FGF23: variants seen among roughly 807,000 people sequenced by gnomAD.
FGF23 encodes fibroblast growth factor 23, also known as phosphatonin.
FGF23 carries 8 observed loss-of-function variants against 9.0 expected under a neutral mutation model. That is an observed-to-expected ratio of 0.89 (90% CI 0.52 to 1.60). The LOEUF is 1.60. Ranked by LOEUF, FGF23 falls within the 40% of genes most tolerant of loss-of-function variation. The pLI, the probability that FGF23 is intolerant of heterozygous loss-of-function variation, is 0.00. For synonymous variants in FGF23, 118 were observed against 146.2 expected (o/e 0.81, Z 1.39); for missense variants, 311 against 344.3 (o/e 0.90, Z 0.77).
At chr12:4,374,902 A>T (rs1591673894) in intron 1 of FGF23, among the ~76,000 whole-genome samples, 1 of 152,174 alleles carries the variant, frequency 6.6e-6, no homozygotes, top group Non-Finnish European at 1.5e-5. Flanking sequence ...TCTTCCCACC[A>T]CCCGGTAACA....
Position 4,369,632 on chromosome 12 carries a change from C to G in FGF23, c.*711G>C. ...CTGGCTGTGGCTGCACAGAGGGAGACAGCGAGACAGAAGGTGCTCACCCTG... is the reference window on the plus strand; with the variant it reads ...CTGGCTGTGGCTGCACAGAGGGAGAGAGCGAGACAGAAGGTGCTCACCCTG... On this transcript the variant is annotated 3_prime_UTR_variant, in exon 3 of 3. Transcript: ENST00000237837. The G allele has an allele frequency of 4.4e-6, 1 of 229,486 alleles. No individual in the cohort carries two copies. The highest frequency in any genetic ancestry group is 8.6e-6 in the Non-Finnish European group (1 of 115,668). 14.2% of individuals were successfully genotyped at this position (229,486 alleles called of 1,614,324 possible). A position where few individuals can be genotyped will look rare whatever the true frequency, so the allele number is the denominator to read the frequency against.
At position 4,368,725 on chromosome 12, in the gene FGF23, G is replaced by T; in HGVS notation, c.*1618C>A. The T allele has an allele frequency of 4.9e-6, 1 of 202,616 alleles. No homozygotes were observed. Among genetic ancestry groups the T allele is most frequent in the East Asian group, 7.6e-5 (1 of 13,102 alleles). 12.6% of individuals were successfully genotyped at this position (202,616 alleles called of 1,614,324 possible). A position where few individuals can be genotyped will look rare whatever the true frequency, so the allele number is the denominator to read the frequency against. On this transcript the variant is annotated 3_prime_UTR_variant, in exon 3 of 3. Transcript: ENST00000237837. ...CTGAGGAGCCTCCAATAGCTATTAT[G>T]CAGGATAATATTTCCAACAGGAAAT...
chr12:4,370,250 C>T lies in FGF23; in HGVS notation c.*93G>A, dbSNP rs886049410. ...GCAAATTCCATACATGCCCCTGTCA[C>T]CTTTCCCATCCTCGGAACGTCAAGG... On this transcript the variant is annotated 3_prime_UTR_variant, in exon 3 of 3. Coordinates refer to ENST00000237837, the MANE Select transcript of FGF23 (RefSeq NM_020638.3). 11 of 1,296,866 alleles carry T rather than the reference C, an allele frequency of 8.5e-6. No individual in the cohort carries two copies. The highest frequency in any genetic ancestry group is 1.2e-5 in the Non-Finnish European group (11 of 905,558). The allele number at this position is 1,296,866 out of a possible 1,614,324, so 80.3% of individuals were successfully genotyped here.
chr12:4,379,224 C>T, intron 1 of FGF23, 148 bp downstream of exon 1: 1 of 735,018 alleles, frequency 1.4e-6, no homozygotes. Context: ...CACACAAACA[C>T]ACACACACAC....
intron 2 of FGF23, among the ~76,000 whole-genome samples, chr12:4,371,047 G>C (rs907668842): frequency 5.3e-5 from 8 of 152,212 alleles, no homozygotes; most frequent in African/African-American, 1.9e-4. Flanking sequence ...CCTGGCCTGT[G>C]GTTTTCCTGG....
chr12:4,370,846 C>G lies in FGF23; in HGVS notation c.316-63G>C, dbSNP rs567271275. 5.3e-5 allele frequency: 71 copies of G among 1,339,486 alleles called. No individual in the cohort carries two copies. In the African/African-American group the frequency reaches 8.2e-4, roughly 15 times the overall value. The allele number at this position is 1,339,486 out of a possible 1,614,324, so 83.0% of individuals were successfully genotyped here. ...TGGGGGCCCCACCCACTCCCCAGCT[C>G]CTCCTGGGGCCACATGCTTGTGCCA... On this transcript the variant is annotated intron_variant, in intron 2 of 2. Transcript: ENST00000237837.
chr12:4,370,751 T>G lies in FGF23; in HGVS notation c.348A>C (p.Gln116His), dbSNP rs556722124. 6.2e-7 allele frequency: 1 copy of G among 1,614,082 alleles called. No homozygotes were observed. The highest frequency in any genetic ancestry group is 2.2e-5 in the East Asian group (1 of 44,868). ...HYFDPENCRF[Q>H]HQTLENGYDV... ...CGTACCCGTTTTCCAGCGTCTGGTG[T>G]TGGAACCTGCAGTTCTCCGGGTCGA... Residue 116 changes from glutamine (Q) to histidine (H), a missense_variant, in exon 3 of 3, where the codon CAA (glutamine) becomes CAC (histidine). By Grantham distance (24) the Gln-to-His change is conservative. Around this residue, in one of 3 missense-constraint regions of FGF23, gnomAD observed 206 missense variants for 219.2 expected, o/e 0.94. Transcript: ENST00000237837.
chr12:4,369,677 A>C lies in FGF23; in HGVS notation c.*666T>G, dbSNP rs575724650. The C allele has an allele frequency of 2.9e-4, 66 of 229,552 alleles. No homozygotes were observed. The highest frequency in any genetic ancestry group is 1.4e-3 in the African/African-American group (62 of 45,298). The allele number at this position is 229,552 out of a possible 1,614,324, so 14.2% of individuals were successfully genotyped here. A position where few individuals can be genotyped will look rare whatever the true frequency, so the allele number is the denominator to read the frequency against. ...ACCCTGTAGGGAGGCTGAGTTTTCTATTATGATTCCTGCCTCATTTCAGCA... is the reference window on the plus strand; with the variant it reads ...ACCCTGTAGGGAGGCTGAGTTTTCTCTTATGATTCCTGCCTCATTTCAGCA... On this transcript the variant is annotated 3_prime_UTR_variant, in exon 3 of 3. Transcript: ENST00000237837.
At chr12:4,373,486 G>T (rs148046577) in intron 1 of FGF23, among the ~76,000 whole-genome samples, 1 of 152,094 alleles carries the variant, frequency 6.6e-6, no homozygotes, top group Admixed American at 6.5e-5. Flanking sequence ...TATAAGTGAC[G>T]GATGGAATTT....
At chr12:4,374,184 T>C (rs1248366942) in intron 1 of FGF23, among the ~76,000 whole-genome samples, 1 of 152,144 alleles carries the variant, frequency 6.6e-6, no homozygotes, top group East Asian at 1.9e-4. Flanking sequence ...GAGAAGTTAA[T>C]TTGTTTCAAA....
chr12:4,375,360 G>A (rs569176312), intron 1 of FGF23, among the ~76,000 whole-genome samples: 5 of 152,276 alleles, frequency 3.3e-5, no homozygotes, highest in South Asian at 4.1e-4. Flanking sequence ...GAAAACATCC[G>A]GCGGTGGTTG....
chr12:4,372,525 G>A, intron 2 of FGF23, 69 bp downstream of exon 2: 1 of 963,810 alleles, frequency 1.0e-6, no homozygotes. Flanking sequence ...AGCTAGAAAA[G>A]TCTATGTCGT....
intron 2 of FGF23, among the ~76,000 whole-genome samples, chr12:4,372,332 A>T (rs183245627): frequency 0.012 from 1,748 of 151,568 alleles, 34 homozygotes; most frequent in African/African-American, 0.04. Flanking sequence ...ATAATAATAA[A>T]AAAAAAAAGT....
chr12:4,379,331 C>G, intron 1 of FGF23, 41 bp downstream of exon 1: 2 of 1,568,082 alleles, frequency 1.3e-6, no homozygotes, highest in Non-Finnish European at 1.7e-6. Flanking sequence ...AGATGGACAA[C>G]AAGGGTGCTC....
chr12:4,379,528 TGCTGCAGAC>T lies in FGF23; in HGVS notation c.46_54del (p.Val16_Ser18del). Reference sequence around the variant, plus strand: ...TTGGGATAGGCTCTGAGGACGCTCATGCTGCAGACGCTGCACAAGGCACAGACCCAGAGC... The same window carrying T: ...TTGGGATAGGCTCTGAGGACGCTCATGCTGCACAAGGCACAGACCCAGAGC... On this transcript the variant is annotated inframe_deletion, in exon 1 of 3. Transcript: ENST00000237837. The T allele has an allele frequency of 6.2e-7, 1 of 1,612,404 alleles. No individual in the cohort carries two copies. The highest frequency in any genetic ancestry group is 8.5e-7 in the Non-Finnish European group (1 of 1,180,002).
chr12:4,379,537 C>A lies in FGF23; in HGVS notation c.46G>T (p.Val16Phe). Residue 16 changes from valine to phenylalanine, a missense_variant, in exon 1 of 3, where the codon GTC (valine) becomes TTC (phenylalanine). Val to Phe is a conservative substitution (Grantham distance 50, BLOSUM62 -1). Around this residue, in one of 3 missense-constraint regions of FGF23, gnomAD observed 102 missense variants for 108.2 expected, o/e 0.94. Coordinates refer to ENST00000237837, the MANE Select transcript of FGF23 (RefSeq NM_020638.3). Reference sequence around the variant, plus strand: ...GCTCTGAGGACGCTCATGCTGCAGACGCTGCACAAGGCACAGACCCAGAGC... The same window carrying A: ...GCTCTGAGGACGCTCATGCTGCAGAAGCTGCACAAGGCACAGACCCAGAGC... ...LRLWVCALCS[V>F]CSMSVLRAYP... 1.2e-6 allele frequency: 2 copies of A among 1,611,952 alleles called. No individual in the cohort carries two copies. Among genetic ancestry groups the A allele is most frequent in the Non-Finnish European group, 1.7e-6 (2 of 1,179,942 alleles).
At chr12:4,378,064 G>C (rs1236060678) in intron 1 of FGF23, among the ~76,000 whole-genome samples, 1 of 152,130 alleles carries the variant, frequency 6.6e-6, no homozygotes, top group African/African-American at 2.4e-5. Flanking sequence ...GAACCTGTTT[G>C]GTATTCGGAG....
rs557962842 is a variant in FGF23 at position 4,375,391 on chromosome 12, A to T, written c.212-2694T>A. Among the ~76,000 whole-genome samples, 18 of 152,332 alleles carry T rather than the reference A, an allele frequency of 1.2e-4. 1 individual carries two copies. In the South Asian group the frequency reaches 3.7e-3, roughly 32 times the overall value. ...GGTTGAGGAACTGTGAGAAGCTGCT[A>T]CGGAGGGCACACAGACTCTTCCATC... is the stretch of plus-strand genomic sequence containing the variant. On this transcript the variant is annotated intron_variant, in intron 1 of 2. Coordinates refer to ENST00000237837, the MANE Select transcript of FGF23 (RefSeq NM_020638.3).
intron 1 of FGF23, among the ~76,000 whole-genome samples, chr12:4,377,854 G>T (rs1865135758): frequency 6.6e-6 from 1 of 152,200 alleles, no homozygotes; most frequent in Non-Finnish European, 1.5e-5. Context: ...TCCTTGAAGG[G>T]TTGTGTCTTA....
Sources: allele counts gnomAD v4.1 joint callset (sites outside exome capture counted in the v4.1 genomes callset), GRCh38; gene constraint gnomAD v4.1.1; regional missense constraint gnomAD v4.1.1; transcripts MANE v1.5; gene names NCBI Gene and HGNC (gene_info 2026-07-23, HGNC 2026-07-21).